NCAPD3: variants seen among roughly 807,000 people sequenced by gnomAD.
NCAPD3 encodes the protein non-SMC condensin II complex subunit D3, also known as condensin-2 complex subunit D3.
In NCAPD3, 105 loss-of-function variants were observed where a neutral mutation model predicts 182.9. The ratio of observed to expected loss-of-function variants is 0.57; its 90% CI spans 0.49 to 0.68. The LOEUF (loss-of-function observed/expected upper bound fraction) is 0.68. Ranked by LOEUF, NCAPD3 falls within the 30% of genes least tolerant of loss-of-function variation. The probability of loss-of-function intolerance (pLI) is 0.00; values close to 1 mark genes in which losing one functional copy is unlikely to be tolerated. For missense variants in NCAPD3, 1,944 were observed against 1,837.0 expected, an observed-to-expected ratio of 1.06 and a Z score of -1.07; for synonymous variants, 815 against 679.9, an observed-to-expected ratio of 1.20 and a Z score of -3.09.
At chr11:134,168,237 T>C (rs755397294) in intron 26 of NCAPD3, 42 bp from the exon 27 acceptor site, 24 of 1,579,126 alleles carry the variant, frequency 1.5e-5, no homozygotes, top group Non-Finnish European at 1.8e-5. Flanking sequence ...TTCTGAGAAA[T>C]GCTCTGGCCC....
chr11:134,218,345 A>C (rs909138445), intron 2 of NCAPD3, among the ~76,000 whole-genome samples: 4 of 152,028 alleles, frequency 2.6e-5, no homozygotes, highest in African/African-American at 9.7e-5. Flanking sequence ...GACCCCGTCC[A>C]ATCAGCTCTC....
intron 19 of NCAPD3, among the ~76,000 whole-genome samples, chr11:134,181,438 A>G (rs1250493633): frequency 1.3e-5 from 2 of 152,214 alleles, no homozygotes; most frequent in African/African-American, 4.8e-5. Context: ...TTGCCCTATA[A>G]GAGCAAAAGG....
At chr11:134,216,467 C>A (rs553672584) in intron 3 of NCAPD3, among the ~76,000 whole-genome samples, 6 of 152,328 alleles carry the variant, frequency 3.9e-5, no homozygotes, top group African/African-American at 1.4e-4. Flanking sequence ...TGCTCGAAAA[C>A]AGACTCCTGG....
rs866908 is a variant in NCAPD3, at chr11:134,152,779, AC to A, written c.*164del. Reference sequence around the variant, plus strand: ...GACAGTGTTTAACCAAATACATCATACAGAATAGAAGGTGAGTGCCAGGCCC... The same window carrying A: ...GACAGTGTTTAACCAAATACATCATAAGAATAGAAGGTGAGTGCCAGGCCC... On this transcript the variant is annotated 3_prime_UTR_variant, in exon 35 of 35. Transcript: ENST00000534548. The A allele has an allele frequency of 0.011, 6,253 of 572,770 alleles. 62 individuals are homozygous for A. Among genetic ancestry groups the A allele is most frequent in the Middle Eastern group, 0.023 (50 of 2,150 alleles). The allele number at this position is 572,770 out of a possible 1,614,324, so 35.5% of individuals were successfully genotyped here.
Position 134,202,824 on chromosome 11 carries a change from C to T in NCAPD3, c.1607G>A (p.Gly536Glu), listed in dbSNP as rs1431619736. ...GATAAAATCTGACATACCTCCAGATCCAACTGTTTCACCACTGCTGTCTAT... is the reference window on the plus strand; with the variant it reads ...GATAAAATCTGACATACCTCCAGATTCAACTGTTTCACCACTGCTGTCTAT... The part of the protein sequence containing the change: ...INIDSSGETV[G>E]SGERCVMAML... The change falls in exon 13 of 35, where the codon GGA becomes GAA. Residue 536 changes from glycine to glutamate, a missense_variant. Gly to Glu is a moderately conservative substitution (Grantham distance 98). This residue lies in a region of NCAPD3 where 1,803 missense variants were observed against 1,674.6 expected (regional missense o/e 1.08). Coordinates refer to ENST00000534548, the MANE Select transcript of NCAPD3 (RefSeq NM_015261.3). 1.2e-6 allele frequency: 2 copies of T among 1,603,346 alleles called. No individual in the cohort carries two copies. Among genetic ancestry groups the T allele is most frequent in the African/African-American group, 1.3e-5 (1 of 74,270 alleles).
intron 16 of NCAPD3, among the ~76,000 whole-genome samples, chr11:134,188,586 A>AG (rs1366526514): frequency 1.3e-5 from 2 of 152,126 alleles, no homozygotes; most frequent in East Asian, 3.9e-4. Context: ...ACCCACCAGG[A>AG]GGAACAAACA....
intron 2 of NCAPD3, among the ~76,000 whole-genome samples, chr11:134,219,181 C>A (rs1938135870): frequency 6.6e-6 from 1 of 152,208 alleles, no homozygotes. Flanking sequence ...GACTGCCTTA[C>A]AACCCAAGCT....
In NCAPD3 at chr11:134,210,399, A is replaced by T; in HGVS notation, c.438T>A (p.Thr146=). ...ATTCCTGGGGCCAGCTCTTCTTTAG[A>T]GTCTGAATGCATTTGTCAAACATCA... The part of the protein sequence containing the change: ...HPVMFDKCIQ[T]LKKSWPQESN... Residue 146 remains threonine (T), a synonymous_variant, in exon 4 of 35, where the codon ACT becomes ACA. Coordinates refer to ENST00000534548, the MANE Select transcript of NCAPD3 (RefSeq NM_015261.3). 6.2e-7 allele frequency: 1 copy of T among 1,614,048 alleles called. No individual in the cohort carries two copies. The highest frequency in any genetic ancestry group is 1.1e-5 in the South Asian group (1 of 91,074).
At chr11:134,163,375 G>A (rs191101464) in intron 27 of NCAPD3, among the ~76,000 whole-genome samples, 2 of 152,170 alleles carry the variant, frequency 1.3e-5, no homozygotes, top group Admixed American at 1.3e-4. Context: ...GTCTGTTTCA[G>A]ATATAATAAA....
At chr11:134,179,730 T>C (rs1944253351) in intron 20 of NCAPD3, among the ~76,000 whole-genome samples, 1 of 152,236 alleles carries the variant, frequency 6.6e-6, no homozygotes, top group Non-Finnish European at 1.5e-5. Flanking sequence ...CATGCTGTGT[T>C]TCTTCATAAC....
chr11:134,196,281 A>G (rs1163923628), intron 13 of NCAPD3, among the ~76,000 whole-genome samples: 1 of 152,260 alleles, frequency 6.6e-6, no homozygotes, highest in Non-Finnish European at 1.5e-5. Context: ...AAGTTTTAGA[A>G]AGACACAAAC....
In NCAPD3 at chr11:134,168,516, T is replaced by C; in HGVS notation, c.3326A>G (p.Asp1109Gly). ...IYKFLLEHFTDEQRFNITSKI... is the reference protein window; with the variant it reads ...IYKFLLEHFTGEQRFNITSKI... ...GGAAGTGATGTTGAATCGCTGTTCA[T>C]CTGTGAAGTGCTCTAGAAGAAATTT... The change falls in exon 26 of 35, where the codon GAT (aspartate) becomes GGT (glycine). Residue 1109 changes from aspartate (D) to glycine (G), a missense_variant. By Grantham distance (94) the Asp-to-Gly change is moderately conservative. This residue lies in a region of NCAPD3 where 1,803 missense variants were observed against 1,674.6 expected (regional missense o/e 1.08). Coordinates refer to ENST00000534548, the MANE Select transcript of NCAPD3 (RefSeq NM_015261.3). 1 of 1,614,222 alleles carries C rather than the reference T, an allele frequency of 6.2e-7. No individual in the cohort carries two copies. The highest frequency in any genetic ancestry group is 1.1e-5 in the South Asian group (1 of 91,084).
At chr11:134,202,980 C>A in intron 12 of NCAPD3, 75 bp from the exon 13 acceptor site, 1 of 1,270,650 alleles carries the variant, frequency 7.9e-7, no homozygotes, top group South Asian at 1.4e-5. Flanking sequence ...GCATGTTACT[C>A]ATTTAAGTTA....
At chr11:134,211,588 A>G (rs1253315437) in intron 3 of NCAPD3, among the ~76,000 whole-genome samples, 2 of 152,224 alleles carry the variant, frequency 1.3e-5, no homozygotes, top group Admixed American at 6.5e-5. Context: ...AAGAAAAATC[A>G]GTCAATAAAA....
Position 134,178,430 on chromosome 11 carries a change from C to G in NCAPD3, c.2782+204G>C, listed in dbSNP as rs149844613. ...CTAGAGAGTACCTTAGTCTTGAGGA[C>G]TTATCAGCCTGAGGGCTCTCATGAC... On this transcript the variant is annotated intron_variant, in intron 22 of 34. Coordinates refer to ENST00000534548, the MANE Select transcript of NCAPD3 (RefSeq NM_015261.3). 791 of 406,046 alleles carry G rather than the reference C, an allele frequency of 1.9e-3. 4 individuals are homozygous for G. Among genetic ancestry groups the G allele is most frequent in the African/African-American group, 0.015 (732 of 49,736 alleles). The allele number at this position is 406,046 out of a possible 1,614,324, so 25.2% of individuals were successfully genotyped here.
intron 28 of NCAPD3, among the ~76,000 whole-genome samples, chr11:134,161,572 G>A (rs1049010798): frequency 1.3e-5 from 2 of 152,204 alleles, no homozygotes; most frequent in African/African-American, 2.4e-5. Context: ...GGCTCTTCAC[G>A]GCCCTGGCTG....
chr11:134,179,868 G>C (rs1944256728), intron 20 of NCAPD3, among the ~76,000 whole-genome samples: 1 of 152,050 alleles, frequency 6.6e-6, no homozygotes, highest in Non-Finnish European at 1.5e-5. Context: ...CAAAGTATAT[G>C]AGTTTAAAAG....
chr11:134,204,471 TG>T lies in NCAPD3; in HGVS notation c.1090-301del. ...TCATTTGTCTAAATGGTTATAAAAA[TG>T]TAGAGATCATCATGGAAATTTGAAC... On this transcript the variant is annotated intron_variant, in intron 9 of 34. Coordinates refer to ENST00000534548, the MANE Select transcript of NCAPD3 (RefSeq NM_015261.3). The surrounding 1 kb of genome is among the most constrained non-coding windows in gnomAD (Gnocchi z 4.3). 6.6e-6 allele frequency among the ~76,000 whole-genome samples: 1 copy of T among 152,314 alleles called. No individual in the cohort carries two copies. The highest frequency in any genetic ancestry group is 2.1e-4 in the South Asian group (1 of 4,830).
In NCAPD3 at chr11:134,197,547, G is replaced by C. The variant is rs1441958167; in HGVS notation, c.1616-2809C>G. Reference sequence around the variant, plus strand: ...CCGCCTTGGCCTCCCAAAGTGCTGGGATTACAAGCATGAGCCACCACGCCT... The same window carrying C: ...CCGCCTTGGCCTCCCAAAGTGCTGGCATTACAAGCATGAGCCACCACGCCT... On this transcript the variant is annotated intron_variant, in intron 13 of 34. Transcript: ENST00000534548. 5.3e-5 allele frequency among the ~76,000 whole-genome samples: 8 copies of C among 152,068 alleles called. No individual in the cohort carries two copies. In the East Asian group the frequency reaches 1.2e-3, roughly 22 times the overall value.
Sources: gnomAD v4.1 joint callset for allele counts (sites outside exome capture counted in the v4.1 genomes callset) on GRCh38, gnomAD v4.1.1 for gene constraint, gnomAD v4.1.1 regional missense constraint, Gnocchi (gnomAD v3.1) non-coding constraint, MANE v1.5 for transcripts, NCBI Gene and HGNC (gene_info 2026-07-23, HGNC 2026-07-21) for gene names.